Variants in CERT1 observed in about 807,000 individuals in gnomAD.
CERT1 encodes ceramide transfer protein.
A neutral mutation model predicts 87.9 loss-of-function variants in CERT1; 31 were observed. That is an observed-to-expected ratio of 0.35 (90% CI 0.27 to 0.48). The LOEUF is 0.48. Among genes scored for constraint, CERT1 ranks in the 20% least tolerant of loss-of-function variants. CERT1 has a pLI of 0.99. For synonymous variants in CERT1, 289 were observed against 250.9 expected (o/e 1.15, Z -1.44); for missense variants, 487 against 758.0 (o/e 0.64, Z 4.20).
chr5:75,442,710 G>A (rs1270934433), intron 3 of CERT1, among the ~76,000 whole-genome samples: 1 of 151,972 alleles, frequency 6.6e-6, no homozygotes, highest in Admixed American at 6.6e-5. Flanking sequence ...TGGAAATTCT[G>A]ATCCAAAAAT....
At chr5:75,499,857 G>A (rs534722749) in intron 2 of CERT1, among the ~76,000 whole-genome samples, 7 of 152,128 alleles carry the variant, frequency 4.6e-5, no homozygotes, top group African/African-American at 7.2e-5. Flanking sequence ...TTTGTGTTAC[G>A]GGTTGAACTG....
At chr5:75,478,889 T>C (rs1226220211) in intron 2 of CERT1, among the ~76,000 whole-genome samples, 11 of 114,638 alleles carry the variant, frequency 9.6e-5, no homozygotes, top group African/African-American at 4.0e-4. Context: ...CCGGAAAATC[T>C]TGAGCTTGAA....
chr5:75,468,338 C>T (rs1259552097), intron 2 of CERT1, among the ~76,000 whole-genome samples: 1 of 152,124 alleles, frequency 6.6e-6, no homozygotes, highest in Non-Finnish European at 1.5e-5. Flanking sequence ...TCAACCCTCC[C>T]ACAATCCTAC....
chr5:75,505,729 A>AT (rs995500407), intron 2 of CERT1: 484 of 251,856 alleles, frequency 1.9e-3, no homozygotes, highest in Middle Eastern at 3.7e-3. Context: ...GGCTTCAAAC[A>AT]TTTTTTTTTC....
At chr5:75,425,166 T>C (rs902240525) in intron 5 of CERT1, 195 bp downstream of exon 5, 5 of 529,562 alleles carry the variant, frequency 9.4e-6, no homozygotes, top group Middle Eastern at 9.7e-4. Context: ...GCATCTGGTA[T>C]GGATGATCAA....
chr5:75,510,833 T>C (rs981224730), intron 1 of CERT1, among the ~76,000 whole-genome samples: 2 of 152,176 alleles, frequency 1.3e-5, no homozygotes, highest in Non-Finnish European at 2.9e-5. Flanking sequence ...CCGGGACAGC[T>C]GCCGCCCTAA....
rs1296851466 is a variant in CERT1 at position 75,411,049 on chromosome 5, G to A, written c.892C>T (p.Leu298Phe). 2.5e-6 allele frequency: 4 copies of A among 1,594,460 alleles called. No homozygotes were observed. The highest frequency in any genetic ancestry group is 1.3e-5 in the African/African-American group (1 of 74,142). The stretch of plus-strand genomic sequence containing the variant: ...CCTCCAAAGTGGGATTTTTTCTTAA[G>A]TTCTGTCATTGCATTTTTATATGCT... ...EEAYKNAMTELKKKSHFGGPD... is the reference protein window; with the variant it reads ...EEAYKNAMTEFKKKSHFGGPD... Residue 298 changes from leucine to phenylalanine, a missense_variant, in exon 8 of 17, where the codon CTT becomes TTT. This residue lies in a region of CERT1 where 21 missense variants were observed against 20.4 expected (regional missense o/e 1.03). Transcript: ENST00000643780.
At chr5:75,459,018 A>G (rs1290253797) in intron 3 of CERT1, 47 bp downstream of exon 3, 3 of 1,067,044 alleles carry the variant, frequency 2.8e-6, no homozygotes, top group East Asian at 2.4e-5. Context: ...ATTGTCAACA[A>G]TCTCTTACCT....
At chr5:75,386,097 A>T in intron 12 of CERT1, 63 bp from the exon 13 acceptor site, 1 of 1,299,672 alleles carries the variant, frequency 7.7e-7, no homozygotes, top group Non-Finnish European at 1.0e-6. Flanking sequence ...AAAGCAGGAA[A>T]GCATGCTTTT....
intron 2 of CERT1, among the ~76,000 whole-genome samples, chr5:75,479,155 T>C (rs577160724): frequency 6.6e-6 from 1 of 152,126 alleles, no homozygotes. Context: ...TGCTAGCTGA[T>C]AAACTCTGCA....
chr5:75,469,272 G>A (rs1765606824), intron 2 of CERT1, among the ~76,000 whole-genome samples: 1 of 152,038 alleles, frequency 6.6e-6, no homozygotes, highest in Non-Finnish European at 1.5e-5. Flanking sequence ...AGGAAAAAAA[G>A]AAGTAAGATT....
At position 75,483,676 on chromosome 5, in the gene CERT1, T is replaced by C. The variant is rs886877498; in HGVS notation, c.231+22306A>G. 3.9e-5 allele frequency among the ~76,000 whole-genome samples: 6 copies of C among 152,160 alleles called. No individual in the cohort carries two copies. The East Asian group carries it at 5.8e-4, about 15-fold the overall frequency. ...AGAAGACTTCTCAGTAGAAACATTA[T>C]AGAACATGAAATAAAGTGCTGAAAA... On this transcript the variant is annotated intron_variant, in intron 2 of 16. Transcript: ENST00000643780.
At chr5:75,497,764 T>C (rs779251393) in intron 2 of CERT1, among the ~76,000 whole-genome samples, 1 of 152,160 alleles carries the variant, frequency 6.6e-6, no homozygotes, top group African/African-American at 2.4e-5. Flanking sequence ...GTCTCGGGTA[T>C]TTCTTCATAG....
intron 14 of CERT1, 52 bp downstream of exon 14, chr5:75,384,590 C>A: frequency 7.8e-7 from 1 of 1,276,950 alleles, no homozygotes. Flanking sequence ...ATCTATATGT[C>A]TGAGTTTGAA....
chr5:75,430,854 A>G (rs1224790561), intron 3 of CERT1, among the ~76,000 whole-genome samples: 1 of 152,130 alleles, frequency 6.6e-6, no homozygotes. Flanking sequence ...CTGAGCAATA[A>G]AGCGAGACAC....
At chr5:75,498,544 T>TA in intron 2 of CERT1, among the ~76,000 whole-genome samples, 1 of 152,358 alleles carries the variant, frequency 6.6e-6, no homozygotes, top group East Asian at 1.9e-4. Flanking sequence ...TGAGGACAGT[T>TA]CAGGCCATTG....
chr5:75,406,541 TC>T (rs1331411119), intron 8 of CERT1, among the ~76,000 whole-genome samples: 2 of 150,964 alleles, frequency 1.3e-5, no homozygotes. Flanking sequence ...TTATGGTAAG[TC>T]TTTTTTTTTT....
chr5:75,509,760 G>A (rs1767830618), intron 1 of CERT1, among the ~76,000 whole-genome samples: 1 of 152,166 alleles, frequency 6.6e-6, no homozygotes, highest in Non-Finnish European at 1.5e-5. Context: ...CAAAATCACT[G>A]AGAAGCAAGT....
At chr5:75,511,835 T>C (rs1412992802), upstream of CERT1, 3 of 1,548,850 alleles carry the variant, frequency 1.9e-6, no homozygotes, top group Non-Finnish European at 2.6e-6. Context: ...GGGATGCAGC[T>C]GTGCTGCATT....
Sources: gnomAD v4.1 joint callset for allele counts (sites outside exome capture counted in the v4.1 genomes callset) on GRCh38, gnomAD v4.1.1 for gene constraint, gnomAD v4.1.1 regional missense constraint, MANE v1.5 for transcripts, NCBI Gene and HGNC (gene_info 2026-07-23, HGNC 2026-07-21) for gene names.